Variants in ILDR2 observed in about 807,000 individuals in gnomAD.
The protein encoded by ILDR2 is immunoglobulin-like domain-containing receptor 2.
Under a neutral mutation model 66.8 loss-of-function variants are expected in ILDR2, and 25 were observed. The observed-to-expected ratio is 0.37, with a 90% confidence interval of 0.27 to 0.52. The LOEUF (loss-of-function observed/expected upper bound fraction) is 0.52, where lower values mean the gene tolerates loss of function less well. ILDR2 is among the 20% of genes least tolerant of loss of function. The pLI, the probability that ILDR2 is intolerant of heterozygous loss-of-function variation, is 0.88. For missense variants in ILDR2, 827 were observed against 876.8 expected (o/e 0.94, Z 0.72); for synonymous variants, 367 against 357.2 (o/e 1.03, Z -0.31).
Position 166,939,542 on chromosome 1 carries a change from C to T in ILDR2, c.528G>A (p.Leu176=). 1 of 1,613,950 alleles carries T rather than the reference C, an allele frequency of 6.2e-7. No individual in the cohort carries two copies. The highest frequency in any genetic ancestry group is 8.5e-7 in the Non-Finnish European group (1 of 1,179,862). The change falls in exon 4 of 10, where the codon TTG becomes TTA. Residue 176 remains leucine (L), a synonymous_variant. Coordinates refer to ENST00000271417, the MANE Select transcript of ILDR2 (RefSeq NM_199351.3). ...LGRTGLLADL[L]PSFAVEIMPE... ...GCATAATCTCCACAGCAAAACTGGG[C>T]AAGAGATCAGCAAGCAGCCCTGTCC... is the stretch of plus-strand genomic sequence containing the variant.
At chr1:166,958,228 A>G (rs1662397310) in intron 1 of ILDR2, 127 bp from the exon 2 acceptor site, 2 of 714,384 alleles carry the variant, frequency 2.8e-6, no homozygotes, top group Middle Eastern at 4.0e-4. Flanking sequence ...CACAATTATA[A>G]TTAATGGCAT....
At chr1:166,946,019 T>C (rs1047536164) in intron 3 of ILDR2, among the ~76,000 whole-genome samples, 1 of 152,228 alleles carries the variant, frequency 6.6e-6, no homozygotes, top group Non-Finnish European at 1.5e-5. Context: ...ATCCACCCCC[T>C]GTTCTGTCAT....
In ILDR2 at chr1:166,939,584, A is replaced by T; in HGVS notation, c.500-14T>A. 2 of 1,612,774 alleles carry T rather than the reference A, an allele frequency of 1.2e-6. No individual in the cohort carries two copies. Among genetic ancestry groups the T allele is most frequent in the Non-Finnish European group, 8.5e-7 (1 of 1,178,800 alleles). ...GCCCTGTCCTGCCTAGAAGAAGTGGAAGGAAAAGAAGAAGGAAAGTGGTTA... is the reference window on the plus strand; with the variant it reads ...GCCCTGTCCTGCCTAGAAGAAGTGGTAGGAAAAGAAGAAGGAAAGTGGTTA... On this transcript the variant is annotated splice_polypyrimidine_tract_variant and intron_variant, in intron 3 of 9. Transcript: ENST00000271417.
At position 166,909,884 on chromosome 1, in the gene ILDR2, T is replaced by G. The variant is rs1252206964; in HGVS notation, c.*9471A>C. 6.7e-6 allele frequency: 1 copy of G among 149,276 alleles called. No homozygotes were observed. The highest frequency in any genetic ancestry group is 1.5e-5 in the Non-Finnish European group (1 of 67,584). The allele number at this position is 149,276 out of a possible 1,614,324, so 9.2% of individuals were successfully genotyped here. A position where few individuals can be genotyped will look rare whatever the true frequency, so the allele number is the denominator to read the frequency against. The stretch of plus-strand genomic sequence containing the variant: ...CAGAAAAAATCCACTGTGGCTATGC[T>G]TCTACACAAAATTTGTAACAAAATG... On this transcript the variant is annotated 3_prime_UTR_variant, in exon 10 of 10. Coordinates refer to ENST00000271417, the MANE Select transcript of ILDR2 (RefSeq NM_199351.3).
Position 166,921,005 on chromosome 1 carries a change from A to G in ILDR2, c.1586T>C (p.Leu529Pro). Residue 529 changes from leucine to proline, a missense_variant, in exon 9 of 10, where the codon CTG becomes CCG. Leu to Pro is a moderately conservative substitution (Grantham distance 98, BLOSUM62 -3). This residue lies in a region of ILDR2 where 390 missense variants were observed against 353.6 expected (regional missense o/e 1.10). Transcript: ENST00000271417. This position sits in a 1 kb window ranked among gnomAD's most constrained non-coding sequence, Gnocchi z 5.3. ...CGCCTGGCGCTCCCGCGCGCTGCCC[A>G]GGTACGAGTGGTCGTATTTGGGTGC... ...GTAPKYDHSY[L>P]GSARERQARP... The G allele has an allele frequency of 1.3e-6, 2 of 1,510,714 alleles. No homozygotes were observed. Among genetic ancestry groups the G allele is most frequent in the Non-Finnish European group, 1.8e-6 (2 of 1,141,326 alleles). The allele number at this position is 1,510,714 out of a possible 1,614,324, so 93.6% of individuals were successfully genotyped here.
Position 166,917,718 on chromosome 1 carries a change from C to G in ILDR2, c.*1637G>C, listed in dbSNP as rs557890135. On this transcript the variant is annotated 3_prime_UTR_variant, in exon 10 of 10. Coordinates refer to ENST00000271417, the MANE Select transcript of ILDR2 (RefSeq NM_199351.3). The stretch of plus-strand genomic sequence containing the variant: ...ACATAAAGAATGCACCAACTTCTCA[C>G]GCCTCGAGTAGGAATCAGAAATTTG... The G allele has an allele frequency of 2.0e-5, 3 of 152,356 alleles. No individual in the cohort carries two copies. Among genetic ancestry groups the G allele is most frequent in the South Asian group, 4.1e-4 (2 of 4,828 alleles). The allele number at this position is 152,356 out of a possible 1,614,324, so 9.4% of individuals were successfully genotyped here.
At chr1:166,942,120 A>G (rs1415196685) in intron 3 of ILDR2, among the ~76,000 whole-genome samples, 1 of 152,226 alleles carries the variant, frequency 6.6e-6, no homozygotes, top group African/African-American at 2.4e-5. Context: ...AAACAGAAAG[A>G]CCATCTATCT....
chr1:166,899,988 C>T (rs1659233363), intron 2 of ILDR2, among the ~76,000 whole-genome samples: 1 of 152,182 alleles, frequency 6.6e-6, no homozygotes, highest in African/African-American at 2.4e-5. Context: ...GCTAGAAATG[C>T]AGAATCTCAG....
At chr1:166,939,375 T>C (rs1479726149) in intron 4 of ILDR2, 139 bp downstream of exon 4, 18 of 690,516 alleles carry the variant, frequency 2.6e-5, no homozygotes, top group Non-Finnish European at 4.4e-5. Context: ...TTCCAATGGG[T>C]TTAGTTAATC....
In ILDR2 at chr1:166,952,754, C is replaced by G. The variant is rs568330528; in HGVS notation, c.499+3979G>C. ...AAGTAACAAACATTACCCACGGCCTCAAGCAGTAACCACATTTTTTTTTTA... is the reference window on the plus strand; with the variant it reads ...AAGTAACAAACATTACCCACGGCCTGAAGCAGTAACCACATTTTTTTTTTA... On this transcript the variant is annotated intron_variant, in intron 3 of 9. Coordinates refer to ENST00000271417, the MANE Select transcript of ILDR2 (RefSeq NM_199351.3). Among the ~76,000 whole-genome samples the G allele has an allele frequency of 3.3e-5, 5 of 152,226 alleles. No individual in the cohort carries two copies. The East Asian group carries it at 9.7e-4, about 29-fold the overall frequency.
exon 3 of ILDR2, chr1:166,895,997 G>C (rs986133109): frequency 6.6e-6 from 1 of 152,154 alleles, no homozygotes; most frequent in African/African-American, 2.4e-5. Context: ...ATGTTCCTTT[G>C]TCTTCAGAGA....
rs749053238 is a variant in ILDR2, at chr1:166,920,765, T to A, written c.1826A>T (p.Asp609Val). The A allele has an allele frequency of 6.7e-7, 1 of 1,492,364 alleles. No homozygotes were observed. The highest frequency in any genetic ancestry group is 8.9e-7 in the Non-Finnish European group (1 of 1,121,168). 92.4% of individuals were successfully genotyped at this position (1,492,364 alleles called of 1,614,324 possible). ...CTCCGAGTTGCTGTGGTAGGGCAGG[T>A]CGCGGCCGCGGTAGGACGGGCCGCG... Reference protein sequence around the residue: ...LTRGPSYRGRDLPYHSNSEKK... With the variant: ...LTRGPSYRGRVLPYHSNSEKK... Residue 609 changes from aspartate to valine, a missense_variant, in exon 9 of 10, where the codon GAC becomes GTC. By Grantham distance (152) the Asp-to-Val change is radical. Around this residue, in one of 2 missense-constraint regions of ILDR2, gnomAD observed 390 missense variants for 353.6 expected, o/e 1.10. Coordinates refer to ENST00000271417, the MANE Select transcript of ILDR2 (RefSeq NM_199351.3).
At position 166,919,284 on chromosome 1, in the gene ILDR2, G is replaced by T; in HGVS notation, c.*71C>A. ...GCCAGAGAAGGTCCTGGGCCTGCTGGTTCTTAGATTTGTGTCTTGTCCCCG... is the reference window on the plus strand; with the variant it reads ...GCCAGAGAAGGTCCTGGGCCTGCTGTTTCTTAGATTTGTGTCTTGTCCCCG... On this transcript the variant is annotated 3_prime_UTR_variant, in exon 10 of 10. Coordinates refer to ENST00000271417, the MANE Select transcript of ILDR2 (RefSeq NM_199351.3). The T allele has an allele frequency of 7.0e-7, 1 of 1,436,274 alleles. No homozygotes were observed. Among genetic ancestry groups the T allele is most frequent in the Non-Finnish European group, 9.7e-7 (1 of 1,028,168 alleles). 89.0% of individuals were successfully genotyped at this position (1,436,274 alleles called of 1,614,324 possible).
chr1:166,956,527 C>CG (rs1177885365), intron 3 of ILDR2, among the ~76,000 whole-genome samples: 80 of 118,156 alleles, frequency 6.8e-4, no homozygotes, highest in African/African-American at 2.3e-3. Context: ...AAGGTGGGGG[C>CG]GGGGGGGTCA....
intron 3 of ILDR2, among the ~76,000 whole-genome samples, chr1:166,942,363 G>T (rs529985992): frequency 6.6e-6 from 1 of 152,310 alleles, no homozygotes; most frequent in South Asian, 2.1e-4. Flanking sequence ...ATAACAGGGA[G>T]TAGCTAGAGA....
chr1:166,969,712 C>T (rs1477168314), intron 1 of ILDR2, among the ~76,000 whole-genome samples: 1 of 152,206 alleles, frequency 6.6e-6, no homozygotes, highest in Non-Finnish European at 1.5e-5. Flanking sequence ...ATCCAATGCC[C>T]CATAATAGAC....
rs1659456848 is a variant in ILDR2, at chr1:166,910,821, A to C, written c.*8534T>G. On this transcript the variant is annotated 3_prime_UTR_variant, in exon 10 of 10. Coordinates refer to ENST00000271417, the MANE Select transcript of ILDR2 (RefSeq NM_199351.3). ...AATGAAAGCATATAAAAATTGGATT[A>C]GAATTAGATAATCATAGGGAAAAAT... The C allele has an allele frequency of 6.6e-6, 1 of 152,266 alleles. No individual in the cohort carries two copies. Among genetic ancestry groups the C allele is most frequent in the Non-Finnish European group, 1.5e-5 (1 of 68,050 alleles). 9.4% of individuals were successfully genotyped at this position (152,266 alleles called of 1,614,324 possible).
At chr1:166,968,495 G>A (rs1030941278) in intron 1 of ILDR2, among the ~76,000 whole-genome samples, 1 of 152,114 alleles carries the variant, frequency 6.6e-6, no homozygotes, top group Non-Finnish European at 1.5e-5. Flanking sequence ...TCTAAAGACT[G>A]ATACATGGTA....
chr1:166,939,572 TAGA>T lies in ILDR2; in HGVS notation c.500-5_500-3del. 6.2e-7 allele frequency: 1 copy of T among 1,613,630 alleles called. No homozygotes were observed. Among genetic ancestry groups the T allele is most frequent in the Non-Finnish European group, 8.5e-7 (1 of 1,179,550 alleles). ...GATCAGCAAGCAGCCCTGTCCTGCC[TAGA>T]AGAAGTGGAAGGAAAAGAAGAAGGA... On this transcript the variant is annotated splice_polypyrimidine_tract_variant and splice_region_variant and intron_variant, in intron 3 of 9. Coordinates refer to ENST00000271417, the MANE Select transcript of ILDR2 (RefSeq NM_199351.3).
Sources: allele counts gnomAD v4.1 joint callset (sites outside exome capture counted in the v4.1 genomes callset), GRCh38; gene constraint gnomAD v4.1.1; regional missense constraint gnomAD v4.1.1; non-coding constraint Gnocchi (gnomAD v3.1); transcripts MANE v1.5; gene names NCBI Gene and HGNC (gene_info 2026-07-23, HGNC 2026-07-21).